Variants in CCDC187 observed in about 807,000 individuals in gnomAD.
The protein encoded by CCDC187 is coiled-coil domain-containing protein 187.
Under a neutral mutation model 38.0 loss-of-function variants are expected in CCDC187, and 32 were observed. The ratio of observed to expected loss-of-function variants is 0.84; its 90% CI spans 0.64 to 1.13. CCDC187 has a LOEUF of 1.13. CCDC187 is among the 50% of genes most tolerant of loss of function. The pLI, the probability that CCDC187 is intolerant of heterozygous loss-of-function variation, is 0.00. For synonymous variants in CCDC187, 333 were observed against 347.9 expected (o/e 0.96, Z 0.48); for missense variants, 707 against 786.8 (o/e 0.90, Z 1.21).
At chr9:136,289,387 C>T (rs1831256005) in intron 7 of CCDC187, among the ~76,000 whole-genome samples, 1 of 151,930 alleles carries the variant, frequency 6.6e-6, no homozygotes, top group Non-Finnish European at 1.5e-5. Context: ...GGCGTTGTGG[C>T]AGGTGCCTAT....
In CCDC187 at chr9:136,303,327, T is replaced by C. The variant is rs1205526581; in HGVS notation, c.144-34A>G. The C allele has an allele frequency of 2.5e-5, 10 of 396,624 alleles. No homozygotes were observed. In the East Asian group the frequency reaches 3.2e-4, roughly 13 times the overall value. The allele number at this position is 396,624 out of a possible 1,614,324, so 24.6% of individuals were successfully genotyped here. On this transcript the variant is annotated intron_variant, in intron 1 of 25. Transcript: ENST00000638797. ...GAACGGCAGACATGCCGGTCAGACA[T>C]GCAGGCGCAGAGGTGCCGAGCAGAG...
intron 14 of CCDC187, among the ~76,000 whole-genome samples, chr9:136,272,714 A>C (rs1451450718): frequency 6.6e-6 from 1 of 151,818 alleles, no homozygotes; most frequent in Non-Finnish European, 1.5e-5. Context: ...AGAAAAAAAA[A>C]AAAACAAAAA....
Position 136,257,027 on chromosome 9 carries a change from T to C in CCDC187, c.4367-186A>G, listed in dbSNP as rs1373079257. Among the ~76,000 whole-genome samples the C allele has an allele frequency of 6.6e-6, 1 of 152,226 alleles. No individual in the cohort carries two copies. The highest frequency in any genetic ancestry group is 1.5e-5 in the Non-Finnish European group (1 of 68,042). ...GTTTGCTCCTAAAATGATCCTGTCA[T>C]TGGACAGTTAGTGATCAAAGTCCCA... On this transcript the variant is annotated intron_variant, in intron 22 of 25. Coordinates refer to ENST00000638797, the MANE Select transcript of CCDC187 (RefSeq NM_001378188.1). This position sits in a 1 kb window ranked among gnomAD's most constrained non-coding sequence, Gnocchi z 4.5.
At position 136,256,266 on chromosome 9, in the gene CCDC187, C is replaced by T; in HGVS notation, c.4561G>A (p.Glu1521Lys). Reference protein sequence around the residue: ...EGLESGLDFAESPVEESQETE... With the variant: ...EGLESGLDFAKSPVEESQETE... ...TCCTGGGACTCCTCCACGGGGCTCTCAGCAAAATCCAGCCCCGATTCCAAG... is the reference window on the plus strand; with the variant it reads ...TCCTGGGACTCCTCCACGGGGCTCTTAGCAAAATCCAGCCCCGATTCCAAG... Residue 1521 changes from glutamate to lysine, a missense_variant, in exon 24 of 26, where the codon GAG (glutamate) becomes AAG (lysine). Coordinates refer to ENST00000638797, the MANE Select transcript of CCDC187 (RefSeq NM_001378188.1). The T allele has an allele frequency of 1.0e-6, 1 of 985,616 alleles. No homozygotes were observed. Among genetic ancestry groups the T allele is most frequent in the Non-Finnish European group, 1.2e-6 (1 of 830,084 alleles). 61.1% of individuals were successfully genotyped at this position (985,616 alleles called of 1,614,324 possible).
chr9:136,297,890 C>T (rs976369414), intron 3 of CCDC187, 69 bp from the exon 4 acceptor site: 13,128 of 394,920 alleles, frequency 0.033, 265 homozygotes, highest in Non-Finnish European at 0.044. Flanking sequence ...GGGCCCCCCA[C>T]GTGGCTACCC....
rs921929250 is a variant in CCDC187, at chr9:136,292,213, G to A, written c.915C>T (p.Arg305=). Reference sequence around the variant, plus strand: ...TCGAGGGATCCTTGCTATGGTGCCTGCGGAGGACGGGAGGGGGCCCAAGCA... The same window carrying A: ...TCGAGGGATCCTTGCTATGGTGCCTACGGAGGACGGGAGGGGGCCCAAGCA... The part of the protein sequence containing the change: ...RSLLGPPPVL[R]RHHSKDPSRD... The change falls in exon 5 of 26, where the codon CGC becomes CGT. Residue 305 remains arginine, a synonymous_variant. Coordinates refer to ENST00000638797, the MANE Select transcript of CCDC187 (RefSeq NM_001378188.1). 6 of 398,928 alleles carry A rather than the reference G, an allele frequency of 1.5e-5. No individual in the cohort carries two copies. The East Asian group carries it at 2.1e-4, about 14-fold the overall frequency. 24.7% of individuals were successfully genotyped at this position (398,928 alleles called of 1,614,324 possible).
In CCDC187 at chr9:136,256,452, C is replaced by G. The variant is rs541931644; in HGVS notation, c.4504-129G>C. The G allele has an allele frequency of 8.5e-5, 22 of 259,008 alleles. No homozygotes were observed. In the South Asian group the frequency reaches 2.8e-3, roughly 33 times the overall value. The allele number at this position is 259,008 out of a possible 1,614,324, so 16.0% of individuals were successfully genotyped here. A position where few individuals can be genotyped will look rare whatever the true frequency, so the allele number is the denominator to read the frequency against. ...GGAACAAAGACCACTCAAAAGAGGG[C>G]TGTGGAGACCCCCACTTGCCAGATT... On this transcript the variant is annotated intron_variant, in intron 23 of 25. Coordinates refer to ENST00000638797, the MANE Select transcript of CCDC187 (RefSeq NM_001378188.1).
At chr9:136,293,927 C>G (rs1346287001) in intron 4 of CCDC187, among the ~76,000 whole-genome samples, 1 of 146,992 alleles carries the variant, frequency 6.8e-6, no homozygotes, top group Non-Finnish European at 1.5e-5. Context: ...TATACACACT[C>G]CCTCGTGCTC....
chr9:136,262,217 C>G, intron 19 of CCDC187, 94 bp downstream of exon 19: 1 of 975,632 alleles, frequency 1.0e-6, no homozygotes, highest in Non-Finnish European at 1.2e-6. Flanking sequence ...CTGAGCCAGG[C>G]TCGTCCACCG....
At chr9:136,260,008 G>C in intron 20 of CCDC187, 111 bp downstream of exon 20, 1 of 895,078 alleles carries the variant, frequency 1.1e-6, no homozygotes, top group Non-Finnish European at 1.3e-6. Context: ...GGGCACAGCA[G>C]GCCAGAACAC....
intron 4 of CCDC187, among the ~76,000 whole-genome samples, chr9:136,292,990 C>A (rs1831372803): frequency 6.6e-6 from 1 of 152,232 alleles, no homozygotes. Flanking sequence ...AGCTCACGGC[C>A]ACCGATGCCA....
In CCDC187 at chr9:136,280,111, G is replaced by A. The variant is rs1231893210; in HGVS notation, c.3040+1440C>T. On this transcript the variant is annotated intron_variant, in intron 10 of 25. Coordinates refer to ENST00000638797, the MANE Select transcript of CCDC187 (RefSeq NM_001378188.1). ...ACAACCAAGGCCAGAGGCCCACGGG[G>A]GCCTTCCTGGCTCTGAACTGCCGCC... Among the ~76,000 whole-genome samples the A allele has an allele frequency of 2.6e-5, 4 of 152,346 alleles. No homozygotes were observed. The East Asian group carries it at 7.7e-4, about 29-fold the overall frequency.
chr9:136,302,264 T>C (rs1412834109), intron 2 of CCDC187, among the ~76,000 whole-genome samples: 1 of 152,176 alleles, frequency 6.6e-6, no homozygotes, highest in East Asian at 1.9e-4. Context: ...GTTAAATACC[T>C]GGACACAGAG....
chr9:136,293,369 TCA>T (rs1312198812), intron 4 of CCDC187, among the ~76,000 whole-genome samples: 33 of 122,794 alleles, frequency 2.7e-4, no homozygotes, highest in South Asian at 1.4e-3. Flanking sequence ...ATTCACATGC[TCA>T]CACACTCACA....
intron 10 of CCDC187, among the ~76,000 whole-genome samples, chr9:136,277,712 G>A (rs1348528090): frequency 6.6e-6 from 1 of 152,184 alleles, no homozygotes; most frequent in African/African-American, 2.4e-5. Context: ...TCTGAATGCT[G>A]TTGGAGCTCC....
At chr9:136,292,516 C>G (rs1831359170) in intron 4 of CCDC187, among the ~76,000 whole-genome samples, 1 of 152,226 alleles carries the variant, frequency 6.6e-6, no homozygotes, top group Non-Finnish European at 1.5e-5. Flanking sequence ...GGGCAGGTGG[C>G]TTCCCTGACC....
chr9:136,290,638 CCTT>C lies in CCDC187; in HGVS notation c.1972_1974del (p.Lys658del), dbSNP rs1248702654. 7 of 398,584 alleles carry C rather than the reference CCTT, an allele frequency of 1.8e-5. No homozygotes were observed. The South Asian group carries it at 5.1e-4, about 29-fold the overall frequency. 24.7% of individuals were successfully genotyped at this position (398,584 alleles called of 1,614,324 possible). A position where few individuals can be genotyped will look rare whatever the true frequency, so the allele number is the denominator to read the frequency against. ...AGCTCCCGTGTGCGCAGGGCCGAGGCCTTCTCCTCCAGGGCCTGCCGCCGCCGG... is the reference window on the plus strand; with the variant it reads ...AGCTCCCGTGTGCGCAGGGCCGAGGCCTCCTCCAGGGCCTGCCGCCGCCGG... On this transcript the variant is annotated inframe_deletion, in exon 6 of 26. Transcript: ENST00000638797.
At chr9:136,272,341 T>C (rs1654786742) in intron 14 of CCDC187, among the ~76,000 whole-genome samples, 1 of 152,186 alleles carries the variant, frequency 6.6e-6, no homozygotes, top group Non-Finnish European at 1.5e-5. Context: ...ATGATAACAA[T>C]GTATCGCAGA....
At position 136,267,381 on chromosome 9, in the gene CCDC187, C is replaced by T. The variant is rs1830765225; in HGVS notation, c.3647+3G>A. The T allele has an allele frequency of 2.0e-6, 2 of 985,562 alleles. No homozygotes were observed. The highest frequency in any genetic ancestry group is 1.7e-5 in the African/African-American group (1 of 57,306). 61.1% of individuals were successfully genotyped at this position (985,562 alleles called of 1,614,324 possible). ...GGGGCCGGCGCCAGGCGCATGCGCT[C>T]ACCCTCGTCGATGCTCCAGCCAGGC... On this transcript the variant is annotated splice_donor_region_variant and intron_variant, in intron 16 of 25. Transcript: ENST00000638797.
Sources: allele counts gnomAD v4.1 joint callset (sites outside exome capture counted in the v4.1 genomes callset), GRCh38; gene constraint gnomAD v4.1.1; non-coding constraint Gnocchi (gnomAD v3.1); transcripts MANE v1.5; gene names NCBI Gene and HGNC (gene_info 2026-07-23, HGNC 2026-07-21).